PSD2: variants seen among roughly 807,000 people sequenced by gnomAD.
The protein encoded by PSD2 is pleckstrin and Sec7 domain containing 2.
A neutral mutation model predicts 69.8 loss-of-function variants in PSD2; 38 were observed. The observed-to-expected ratio is 0.54, with a 90% confidence interval of 0.42 to 0.71. The LOEUF (loss-of-function observed/expected upper bound fraction) is 0.71, where lower values mean the gene tolerates loss of function less well. Among genes scored for constraint, PSD2 ranks in the 30% least tolerant of loss-of-function variants. The probability of loss-of-function intolerance (pLI) is 0.00; values close to 1 mark genes in which losing one functional copy is unlikely to be tolerated. For synonymous variants in PSD2, 412 were observed against 423.0 expected (o/e 0.97, Z 0.32); for missense variants, 943 against 1,014.5 (o/e 0.93, Z 0.96).
the PSD2 span, among the ~76,000 whole-genome samples, chr5:139,756,443 C>T: frequency 6.6e-6 from 1 of 152,234 alleles, no homozygotes; most frequent in East Asian, 1.9e-4. Context: ...CTGGGAAGTC[C>T]TTGCCCAACC....
At position 139,843,178 on chromosome 5, in the gene PSD2, T is replaced by C. The variant is rs1489368180; in HGVS notation, c.*704T>C. ...AGATGGTTTTGGAACTGGAATCAGT[T>C]AGAGGATGAAATCAGATAAAGGAAA... On this transcript the variant is annotated 3_prime_UTR_variant, in exon 15 of 15. Transcript: ENST00000274710. 2 of 152,320 alleles carry C rather than the reference T, an allele frequency of 1.3e-5. No individual in the cohort carries two copies. Among genetic ancestry groups the C allele is most frequent in the East Asian group, 3.8e-4 (2 of 5,208 alleles). 9.4% of individuals were successfully genotyped at this position (152,320 alleles called of 1,614,324 possible). A position where few individuals can be genotyped will look rare whatever the true frequency, so the allele number is the denominator to read the frequency against.
the PSD2 span, among the ~76,000 whole-genome samples, chr5:139,743,289 G>A: frequency 0.029 from 4,477 of 152,314 alleles, 94 homozygotes; most frequent in Non-Finnish European, 0.047. Flanking sequence ...CAGAGCAGAC[G>A]TCTCTCTGGT....
At chr5:139,812,744 T>C (rs1458966029) in intron 2 of PSD2, among the ~76,000 whole-genome samples, 1 of 152,142 alleles carries the variant, frequency 6.6e-6, no homozygotes, top group Non-Finnish European at 1.5e-5. Flanking sequence ...TCCCAGGTTG[T>C]GGGAAGAGCA....
At chr5:139,822,815 A>G (rs35306338) in intron 7 of PSD2, 31 bp downstream of exon 7, 437,477 of 1,585,430 alleles carry the variant, frequency 0.28, 61,721 homozygotes, top group African/African-American at 0.33. Context: ...GGGGTGTCGC[A>G]TGTCCTCTCA....
chr5:139,789,621 C>T, the PSD2 span, among the ~76,000 whole-genome samples: 7 of 152,044 alleles, frequency 4.6e-5, no homozygotes, highest in African/African-American at 1.7e-4. Flanking sequence ...ACTCACTCAA[C>T]AAACTAGGAA....
At chr5:139,764,009 C>G in the PSD2 span, among the ~76,000 whole-genome samples, 5 of 152,298 alleles carry the variant, frequency 3.3e-5, no homozygotes, top group Admixed American at 2.0e-4. Context: ...ACTACATGGC[C>G]TCTGGTGAAT....
chr5:139,822,669 C>A, intron 6 of PSD2, 57 bp from the exon 7 acceptor site: 1 of 1,492,886 alleles, frequency 6.7e-7, no homozygotes. Flanking sequence ...CGTCAGGAGA[C>A]AGGGAGTGGG....
the PSD2 span, among the ~76,000 whole-genome samples, chr5:139,761,166 C>T: frequency 6.6e-6 from 1 of 152,122 alleles, no homozygotes; most frequent in Non-Finnish European, 1.5e-5. Flanking sequence ...GCCTGGTGCT[C>T]AGTTTTTTGC....
intron 7 of PSD2, among the ~76,000 whole-genome samples, chr5:139,824,000 G>A (rs1359459068): frequency 1.3e-5 from 2 of 152,238 alleles, no homozygotes; most frequent in East Asian, 1.9e-4. Flanking sequence ...TGCAACCTGA[G>A]TGTGGAACAA....
intron 14 of PSD2, among the ~76,000 whole-genome samples, chr5:139,841,256 T>C (rs1760863412): frequency 6.6e-6 from 1 of 152,214 alleles, no homozygotes; most frequent in Admixed American, 6.5e-5. Flanking sequence ...AAATTTTTTT[T>C]TGGTGAAAAA....
At chr5:139,831,800 T>G (rs535563280) in intron 7 of PSD2, among the ~76,000 whole-genome samples, 2 of 152,374 alleles carry the variant, frequency 1.3e-5, no homozygotes, top group East Asian at 3.8e-4. Context: ...TCATTTCTGC[T>G]TCTCCACATT....
At chr5:139,786,240 C>A in the PSD2 span, among the ~76,000 whole-genome samples, 3 of 151,898 alleles carry the variant, frequency 2.0e-5, no homozygotes, top group African/African-American at 7.3e-5. Flanking sequence ...CAAAAATTAG[C>A]CAGGTGTGGT....
chr5:139,777,801 T>C, the PSD2 span, among the ~76,000 whole-genome samples: 1 of 152,148 alleles, frequency 6.6e-6, no homozygotes, highest in Admixed American at 6.5e-5. Context: ...GAGGATTGCT[T>C]GAGCTCAGGA....
the PSD2 span, among the ~76,000 whole-genome samples, chr5:139,781,322 C>T: frequency 6.4e-3 from 971 of 151,984 alleles, 13 homozygotes; most frequent in African/African-American, 0.022. Flanking sequence ...GGACAGCATT[C>T]ATCACATATC....
chr5:139,760,573 G>C, the PSD2 span, among the ~76,000 whole-genome samples: 5 of 152,280 alleles, frequency 3.3e-5, 1 homozygote, highest in African/African-American at 1.2e-4. Context: ...CTCTGCCCCT[G>C]ATCCTCCCTT....
At chr5:139,751,790 C>CTTTT in the PSD2 span, among the ~76,000 whole-genome samples, 9 of 120,398 alleles carry the variant, frequency 7.5e-5, no homozygotes, top group Non-Finnish European at 1.0e-4. Context: ...AGGGTCCAGC[C>CTTTT]TTTTTTTTTT....
At chr5:139,784,439 G>A in the PSD2 span, among the ~76,000 whole-genome samples, 1 of 152,132 alleles carries the variant, frequency 6.6e-6, no homozygotes, top group Non-Finnish European at 1.5e-5. Context: ...TGGCTCTGAT[G>A]TCTCCAATCT....
chr5:139,774,117 A>G, the PSD2 span, among the ~76,000 whole-genome samples: 2 of 148,752 alleles, frequency 1.3e-5, no homozygotes, highest in Non-Finnish European at 3.0e-5. Context: ...GAGCCGCAGC[A>G]CTCGGTCTCG....
chr5:139,838,218 A>T (rs1486240582), intron 12 of PSD2, among the ~76,000 whole-genome samples: 1 of 152,170 alleles, frequency 6.6e-6, no homozygotes, highest in African/African-American at 2.4e-5. Context: ...TGAGCTTGCA[A>T]GGAGGCAGGC....
Sources: allele counts gnomAD v4.1 joint callset (sites outside exome capture counted in the v4.1 genomes callset), GRCh38; gene constraint gnomAD v4.1.1; transcripts MANE v1.5; gene names NCBI Gene and HGNC (gene_info 2026-07-23, HGNC 2026-07-21).